Variants in MACROD2 observed in about 807,000 individuals in gnomAD.
The protein encoded by MACROD2 is mono-ADP ribosylhydrolase 2.
In MACROD2, 36 loss-of-function variants were observed where a neutral mutation model predicts 70.4. That is an observed-to-expected ratio of 0.51 (90% CI 0.39 to 0.68). The LOEUF (loss-of-function observed/expected upper bound fraction) is 0.68. Ranked by LOEUF, MACROD2 falls within the 30% of genes least tolerant of loss-of-function variation. The pLI is 0.00. For synonymous variants in MACROD2, 172 were observed against 178.8 expected (o/e 0.96, Z 0.30); for missense variants, 496 against 538.4 (o/e 0.92, Z 0.78).
At chr20:14,035,820 T>C (rs2053299874) in intron 2 of MACROD2, among the ~76,000 whole-genome samples, 1 of 152,198 alleles carries the variant, frequency 6.6e-6, no homozygotes, top group Non-Finnish European at 1.5e-5. Context: ...AAATTGTTCA[T>C]CACCAGCCCA....
chr20:14,316,907 T>C (rs2082615952), intron 3 of MACROD2, among the ~76,000 whole-genome samples: 1 of 152,112 alleles, frequency 6.6e-6, no homozygotes, highest in African/African-American at 2.4e-5. Flanking sequence ...TCCTCCTCTT[T>C]TACTTACTTC....
chr20:15,521,186 T>C (rs1166042236), intron 8 of MACROD2, among the ~76,000 whole-genome samples: 1 of 152,180 alleles, frequency 6.6e-6, no homozygotes, highest in Non-Finnish European at 1.5e-5. Flanking sequence ...AGGTGAAGAA[T>C]CGTGCATCTA....
chr20:15,972,196 GA>G (rs891447135), intron 13 of MACROD2, among the ~76,000 whole-genome samples: 7 of 150,338 alleles, frequency 4.7e-5, no homozygotes, highest in African/African-American at 1.2e-4. Context: ...TGACTGAGGG[GA>G]AAAAAAAAGA....
intron 3 of MACROD2, among the ~76,000 whole-genome samples, chr20:14,369,721 TTTAA>T (rs1157970647): frequency 6.6e-6 from 1 of 152,214 alleles, no homozygotes. Context: ...TTTTCTCTTA[TTTAA>T]TTATTTGCAT....
At chr20:15,759,375 A>G (rs1337345299) in intron 8 of MACROD2, among the ~76,000 whole-genome samples, 2 of 152,186 alleles carry the variant, frequency 1.3e-5, no homozygotes, top group Non-Finnish European at 2.9e-5. Flanking sequence ...AATTACAGAA[A>G]TGTGTACTCC....
chr20:14,361,322 G>T (rs542955056), intron 3 of MACROD2, among the ~76,000 whole-genome samples: 51 of 152,238 alleles, frequency 3.4e-4, no homozygotes, highest in African/African-American at 1.2e-3. Context: ...TTTGCCAGGG[G>T]TTAGTTTACC....
rs2076797801 is a variant in MACROD2, at chr20:15,215,104, A to G, written c.419-14836A>G. Reference sequence around the variant, plus strand: ...CAAATGTGTAAATCCATGTTTATTTAAAGTGTATTATATTTATAAAAGATG... The same window carrying G: ...CAAATGTGTAAATCCATGTTTATTTGAAGTGTATTATATTTATAAAAGATG... On this transcript the variant is annotated intron_variant, in intron 5 of 17. Transcript: ENST00000684519. 2.6e-5 allele frequency among the ~76,000 whole-genome samples: 4 copies of G among 152,320 alleles called. No individual in the cohort carries two copies. In the South Asian group the frequency reaches 8.3e-4, roughly 32 times the overall value.
At chr20:15,885,695 C>A in intron 9 of MACROD2, 69 bp from the exon 10 acceptor site, 5 of 1,316,890 alleles carry the variant, frequency 3.8e-6, no homozygotes, top group South Asian at 1.8e-5. Flanking sequence ...TTTAATAATC[C>A]ATCTGGAACA....
chr20:14,724,234 A>G (rs770046610), intron 5 of MACROD2, among the ~76,000 whole-genome samples: 1 of 152,004 alleles, frequency 6.6e-6, no homozygotes, highest in Non-Finnish European at 1.5e-5. Flanking sequence ...GGTTAAAATT[A>G]TGAACTCTGG....
chr20:14,598,531 A>G (rs1305545748), intron 4 of MACROD2, among the ~76,000 whole-genome samples: 6 of 152,270 alleles, frequency 3.9e-5, no homozygotes, highest in Middle Eastern at 6.8e-3. Context: ...GTGCATAAGT[A>G]TATCTTGTTT....
chr20:15,601,625 C>A (rs956995756), intron 8 of MACROD2, among the ~76,000 whole-genome samples: 2 of 152,184 alleles, frequency 1.3e-5, no homozygotes, highest in Admixed American at 6.6e-5. Flanking sequence ...TTTATTGGCT[C>A]TGACTCGCCA....
chr20:15,913,548 A>C (rs532282307), intron 10 of MACROD2, among the ~76,000 whole-genome samples: 97 of 152,316 alleles, frequency 6.4e-4, no homozygotes, highest in African/African-American at 2.2e-3. Context: ...CAAGAAAAGA[A>C]ATTTAAAAAA....
rs569157758 is a variant in MACROD2 at position 15,040,567 on chromosome 20, AG to A, written c.419-189367del. ...TAGGACAAAGGTGAGGAGTGTCTTC[AG>A]GGGGGTCTTTATCTCATGTTTCATT... On this transcript the variant is annotated intron_variant, in intron 5 of 17. Coordinates refer to ENST00000684519, the MANE Select transcript of MACROD2 (RefSeq NM_001351661.2). Among the ~76,000 whole-genome samples, 7 of 152,118 alleles carry A rather than the reference AG, an allele frequency of 4.6e-5. No homozygotes were observed. In the South Asian group the frequency reaches 1.5e-3, roughly 32 times the overall value.
intron 8 of MACROD2, among the ~76,000 whole-genome samples, chr20:15,682,235 G>A: frequency 6.6e-6 from 1 of 152,266 alleles, no homozygotes; most frequent in Non-Finnish European, 1.5e-5. Flanking sequence ...GTAAAAGTAG[G>A]AACCCACATT....
chr20:14,217,719 CT>C (rs2081635404), intron 3 of MACROD2, among the ~76,000 whole-genome samples: 1 of 151,360 alleles, frequency 6.6e-6, no homozygotes, highest in South Asian at 2.1e-4. Flanking sequence ...TATCTAATTC[CT>C]CCTGACTTAA....
intron 7 of MACROD2, among the ~76,000 whole-genome samples, chr20:15,451,441 A>G (rs1477278905): frequency 6.7e-6 from 1 of 149,402 alleles, no homozygotes; most frequent in Non-Finnish European, 1.5e-5. Flanking sequence ...AAAAAAAAAA[A>G]AAGAGTCACC....
chr20:14,528,928 G>A (rs1405064933), intron 4 of MACROD2, among the ~76,000 whole-genome samples: 1 of 152,162 alleles, frequency 6.6e-6, no homozygotes, highest in Non-Finnish European at 1.5e-5. Flanking sequence ...AATAACTAGA[G>A]CACGGATTAG....
chr20:15,160,265 G>A (rs2076339250), intron 5 of MACROD2, among the ~76,000 whole-genome samples: 1 of 152,058 alleles, frequency 6.6e-6, no homozygotes, highest in Non-Finnish European at 1.5e-5. Context: ...GTGGAATGGA[G>A]AAAGAGGATG....
rs183891107 is a variant in MACROD2 at position 15,820,040 on chromosome 20, T to C, written c.646-42705T>C. 3.2e-4 allele frequency among the ~76,000 whole-genome samples: 48 copies of C among 152,258 alleles called. No homozygotes were observed. The East Asian group carries it at 5.6e-3, about 18-fold the overall frequency. On this transcript the variant is annotated intron_variant, in intron 8 of 17. Coordinates refer to ENST00000684519, the MANE Select transcript of MACROD2 (RefSeq NM_001351661.2). ...TGTTGCAAATCTTAAATATACACAA[T>C]AGATTTTTTTTTTAAGCAGCTCTTT...
Sources: allele counts gnomAD v4.1 joint callset (sites outside exome capture counted in the v4.1 genomes callset), GRCh38; gene constraint gnomAD v4.1.1; transcripts MANE v1.5; gene names NCBI Gene and HGNC (gene_info 2026-07-23, HGNC 2026-07-21).